The following KCNK3 variants were observed in gnomAD, a reference collection of about 807,000 sequenced individuals.
The protein encoded by KCNK3 is potassium channel subfamily K member 3.
A neutral mutation model predicts 27.3 loss-of-function variants in KCNK3; 9 were observed. The observed-to-expected ratio is 0.33, with a 90% confidence interval of 0.20 to 0.57. KCNK3 has a LOEUF of 0.57. Among genes scored for constraint, KCNK3 ranks in the 20% least tolerant of loss-of-function variants. KCNK3 has a pLI of 0.87. For synonymous variants in KCNK3, 278 were observed against 273.8 expected, an observed-to-expected ratio of 1.02 and a Z score of -0.15; for missense variants, 391 against 577.7, an observed-to-expected ratio of 0.68 and a Z score of 3.31.
rs1423149499 is a variant in KCNK3 at position 26,730,015 on chromosome 2, C to G, written c.*1447C>G. ...ATCAGAAGTCCCGGATCAGAGGGCA[C>G]TGCTGAGGTTCAGCCTCTTCTCTTC... On this transcript the variant is annotated 3_prime_UTR_variant, in exon 2 of 2. Transcript: ENST00000302909. The G allele has an allele frequency of 6.6e-6, 1 of 152,260 alleles. No homozygotes were observed. Among genetic ancestry groups the G allele is most frequent in the Non-Finnish European group, 1.5e-5 (1 of 68,106 alleles). The allele number at this position is 152,260 out of a possible 1,614,324, so 9.4% of individuals were successfully genotyped here.
chr2:26,726,700 G>A (rs10169043), intron 1 of KCNK3, among the ~76,000 whole-genome samples: 8,199 of 148,222 alleles, frequency 0.055, 746 homozygotes, highest in African/African-American at 0.19. Flanking sequence ...CCAGTTAGCC[G>A]GAAGAATTCT....
chr2:26,715,416 G>A (rs1318088094), intron 1 of KCNK3, among the ~76,000 whole-genome samples: 2 of 152,200 alleles, frequency 1.3e-5, no homozygotes, highest in African/African-American at 4.8e-5. Flanking sequence ...AGAAGTACAA[G>A]GCAGTACCCC....
chr2:26,727,729 C>G lies in KCNK3; in HGVS notation c.346C>G (p.Leu116Val). 1 of 1,568,892 alleles carries G rather than the reference C, an allele frequency of 6.4e-7. No homozygotes were observed. The highest frequency in any genetic ancestry group is 8.7e-7 in the Non-Finnish European group (1 of 1,154,572). Residue 116 changes from leucine to valine, a missense_variant, in exon 2 of 2, where the codon CTG (leucine) becomes GTG (valine). By Grantham distance (32) the Leu-to-Val change is conservative. Around this residue, in one of 4 missense-constraint regions of KCNK3, gnomAD observed 158 missense variants for 267.7 expected, o/e 0.59. Coordinates refer to ENST00000302909, the MANE Select transcript of KCNK3 (RefSeq NM_002246.3). ...GGTGTTCTGCATGTTCTACGCGCTG[C>G]TGGGCATCCCGCTCACGCTCGTCAT... ...GKVFCMFYAL[L>V]GIPLTLVMFQ... is the part of the protein sequence containing the mutation.
At position 26,728,136 on chromosome 2, in the gene KCNK3, C is replaced by T. The variant is rs1282543271; in HGVS notation, c.753C>T (p.Ala251=). The change falls in exon 2 of 2, where the codon GCC becomes GCT. Residue 251 remains alanine (A), a synonymous_variant. Coordinates refer to ENST00000302909, the MANE Select transcript of KCNK3 (RefSeq NM_002246.3). The part of the protein sequence containing the change: ...LVVLRFMTMN[A]EDEKRDAEHR... ...TGCTGCGCTTCATGACCATGAACGC[C>T]GAGGACGAGAAGCGCGACGCCGAGC... 6 of 1,599,824 alleles carry T rather than the reference C, an allele frequency of 3.8e-6. No homozygotes were observed. Among genetic ancestry groups the T allele is most frequent in the Non-Finnish European group, 5.1e-6 (6 of 1,173,454 alleles).
chr2:26,704,150 C>G (rs752786179), intron 1 of KCNK3, among the ~76,000 whole-genome samples: 1 of 152,196 alleles, frequency 6.6e-6, no homozygotes. Context: ...CCCAGCAGCC[C>G]TCTGTCAGCC....
chr2:26,699,016 A>G (rs925056464), intron 1 of KCNK3, among the ~76,000 whole-genome samples: 6 of 151,702 alleles, frequency 4.0e-5, no homozygotes, highest in African/African-American at 1.5e-4. Flanking sequence ...TTCCTCTACT[A>G]AAAATACAAA....
Position 26,728,286 on chromosome 2 carries a change from G to T in KCNK3, c.903G>T (p.Ala301=). The T allele has an allele frequency of 6.3e-7, 1 of 1,596,896 alleles. No homozygotes were observed. The highest frequency in any genetic ancestry group is 8.5e-7 in the Non-Finnish European group (1 of 1,172,034). The change falls in exon 2 of 2, where the codon GCG becomes GCT. Residue 301 remains alanine, a synonymous_variant. Transcript: ENST00000302909. ...GCGGCGGCTTCCGCAACGTCTACGC[G>T]GAGGTGCTGCACTTCCAGTCCATGT... ...AGGGGFRNVY[A]EVLHFQSMCS... is the part of the protein sequence containing the mutation.
At position 26,692,834 on chromosome 2, in the gene KCNK3, G is replaced by A; in HGVS notation, c.-42G>A. ...CAGCGGCGGCCGGGGCCGAGGCGCG[G>A]GCCGGGGGCGCCGGGGGGCCGGCGG... On this transcript the variant is annotated 5_prime_UTR_variant, in exon 1 of 2. Transcript: ENST00000302909. The surrounding 1 kb of genome is among the most constrained non-coding windows in gnomAD (Gnocchi z 5.6). 1 of 1,124,058 alleles carries A rather than the reference G, an allele frequency of 8.9e-7. No individual in the cohort carries two copies. The highest frequency in any genetic ancestry group is 1.1e-6 in the Non-Finnish European group (1 of 915,562). 69.6% of individuals were successfully genotyped at this position (1,124,058 alleles called of 1,614,324 possible). A position where few individuals can be genotyped will look rare whatever the true frequency, so the allele number is the denominator to read the frequency against.
At position 26,693,177 on chromosome 2, in the gene KCNK3, G is replaced by T; in HGVS notation, c.283+19G>T. 3.9e-6 allele frequency: 6 copies of T among 1,521,576 alleles called. No individual in the cohort carries two copies. The highest frequency in any genetic ancestry group is 3.7e-5 in the South Asian group (3 of 81,070). The allele number at this position is 1,521,576 out of a possible 1,614,324, so 94.3% of individuals were successfully genotyped here. A position where few individuals can be genotyped will look rare whatever the true frequency, so the allele number is the denominator to read the frequency against. ...ACCATCGGTAACGGCTCGCCGGGCG[G>T]GGGGCGGGAACCCAGGGCTGGGCGC... is the stretch of plus-strand genomic sequence containing the variant. On this transcript the variant is annotated intron_variant, in intron 1 of 1. Coordinates refer to ENST00000302909, the MANE Select transcript of KCNK3 (RefSeq NM_002246.3). The surrounding 1 kb of genome is among the most constrained non-coding windows in gnomAD (Gnocchi z 5.5).
intron 1 of KCNK3, among the ~76,000 whole-genome samples, chr2:26,706,733 T>C (rs373643228): frequency 7.9e-5 from 12 of 152,178 alleles, no homozygotes; most frequent in African/African-American, 2.6e-4. Flanking sequence ...GGCCCTGCTG[T>C]CCCCTGCCTG....
chr2:26,703,538 C>T (rs960378614), intron 1 of KCNK3, among the ~76,000 whole-genome samples: 1 of 152,202 alleles, frequency 6.6e-6, no homozygotes, highest in South Asian at 2.1e-4. Flanking sequence ...CAGGAGTGTC[C>T]TTGGGGCCCT....
rs1553388266 is a variant in KCNK3 at position 26,731,586 on chromosome 2, C to CAATAATAATAAAAT, written c.*3021_*3034dup. The CAATAATAATAAAAT allele has an allele frequency of 1.3e-5, 2 of 151,922 alleles. No individual in the cohort carries two copies. Among genetic ancestry groups the CAATAATAATAAAAT allele is most frequent in the African/African-American group, 4.8e-5 (2 of 41,288 alleles). 9.4% of individuals were successfully genotyped at this position (151,922 alleles called of 1,614,324 possible). ...GAGTGAGACCCTGTCTAAAAAAAAA[C>CAATAATAATAAAAT]AATAATAATAAAATAAAATAACATA... On this transcript the variant is annotated 3_prime_UTR_variant, in exon 2 of 2. Coordinates refer to ENST00000302909, the MANE Select transcript of KCNK3 (RefSeq NM_002246.3).
intron 1 of KCNK3, among the ~76,000 whole-genome samples, chr2:26,706,802 T>C (rs1670379853): frequency 6.6e-6 from 1 of 152,152 alleles, no homozygotes; most frequent in Admixed American, 6.5e-5. Context: ...TTCTTGCAGC[T>C]GTGACGGGCC....
Position 26,728,737 on chromosome 2 carries a change from G to C in KCNK3, c.*169G>C, listed in dbSNP as rs1663481584. On this transcript the variant is annotated 3_prime_UTR_variant, in exon 2 of 2. Transcript: ENST00000302909. ...TGTGCCTGCTTGCACCAGCCGGCAG[G>C]AGGCCGGGCTCTGAGGACCCCTGGG... 2 of 559,420 alleles carry C rather than the reference G, an allele frequency of 3.6e-6. No individual in the cohort carries two copies. The allele number at this position is 559,420 out of a possible 1,614,324, so 34.7% of individuals were successfully genotyped here. A position where few individuals can be genotyped will look rare whatever the true frequency, so the allele number is the denominator to read the frequency against.
chr2:26,709,007 T>C (rs1034419114), intron 1 of KCNK3, among the ~76,000 whole-genome samples: 1 of 152,058 alleles, frequency 6.6e-6, no homozygotes, highest in Non-Finnish European at 1.5e-5. Context: ...GTACGATACA[T>C]ATGTTGGAGG....
intron 1 of KCNK3, among the ~76,000 whole-genome samples, chr2:26,696,264 G>C (rs1165072871): frequency 6.6e-6 from 1 of 152,242 alleles, no homozygotes; most frequent in Non-Finnish European, 1.5e-5. Flanking sequence ...TAGCTCTGCT[G>C]CATGGATGAA....
intron 1 of KCNK3, among the ~76,000 whole-genome samples, chr2:26,720,502 C>T (rs1206646471): frequency 3.9e-5 from 6 of 152,164 alleles, no homozygotes; most frequent in Admixed American, 1.3e-4. Flanking sequence ...TCCATGACAC[C>T]AGCACCCTCC....
At chr2:26,703,810 G>A (rs1459937136) in intron 1 of KCNK3, among the ~76,000 whole-genome samples, 1 of 152,206 alleles carries the variant, frequency 6.6e-6, no homozygotes, top group Non-Finnish European at 1.5e-5. Context: ...TCCAGGGGTA[G>A]GTTTGAACAA....
Position 26,727,690 on chromosome 2 carries a change from A to T in KCNK3, c.307A>T (p.Thr103Ser). 6.5e-7 allele frequency: 1 copy of T among 1,529,052 alleles called. No homozygotes were observed. The highest frequency in any genetic ancestry group is 8.8e-7 in the Non-Finnish European group (1 of 1,136,652). 94.7% of individuals were successfully genotyped at this position (1,529,052 alleles called of 1,614,324 possible). The stretch of plus-strand genomic sequence containing the variant: ...AGGCTACGGGCACGCGGCACCCAGC[A>T]CGGATGGCGGCAAGGTGTTCTGCAT... ...TIGYGHAAPS[T>S]DGGKVFCMFY... The change falls in exon 2 of 2, where the codon ACG becomes TCG. Residue 103 changes from threonine to serine, a missense_variant. By Grantham distance (58) the Thr-to-Ser change is moderately conservative (BLOSUM62 1). Coordinates refer to ENST00000302909, the MANE Select transcript of KCNK3 (RefSeq NM_002246.3).
Sources: gnomAD v4.1 joint callset for allele counts (sites outside exome capture counted in the v4.1 genomes callset) on GRCh38, gnomAD v4.1.1 for gene constraint, gnomAD v4.1.1 regional missense constraint, Gnocchi (gnomAD v3.1) non-coding constraint, MANE v1.5 for transcripts, NCBI Gene and HGNC (gene_info 2026-07-23, HGNC 2026-07-21) for gene names.